The following NDST4 variants were observed in gnomAD, a reference collection of about 807,000 sequenced individuals.
NDST4 encodes the protein N-deacetylase and N-sulfotransferase 4, also known as N-heparan sulfate sulfotransferase 4.
Under a neutral mutation model 100.8 loss-of-function variants are expected in NDST4, and 63 were observed. The ratio of observed to expected loss-of-function variants is 0.62; its 90% CI spans 0.51 to 0.77. The LOEUF (loss-of-function observed/expected upper bound fraction) is 0.77, where lower values mean the gene tolerates loss of function less well. Among genes scored for constraint, NDST4 ranks in the 30% least tolerant of loss-of-function variants. The pLI, the probability that NDST4 is intolerant of heterozygous loss-of-function variation, is 0.00. For missense variants in NDST4, 943 were observed against 1,018.4 expected (o/e 0.93, Z 1.01); for synonymous variants, 377 against 361.8 (o/e 1.04, Z -0.48).
At chr4:114,992,165 T>C (rs2126252211) in intron 2 of NDST4, among the ~76,000 whole-genome samples, 1 of 152,026 alleles carries the variant, frequency 6.6e-6, no homozygotes, top group East Asian at 1.9e-4. Context: ...TTTTCAGTTT[T>C]TCCCTAATTT....
chr4:115,023,432 C>G (rs1358879998), intron 2 of NDST4, among the ~76,000 whole-genome samples: 1 of 149,828 alleles, frequency 6.7e-6, no homozygotes. Context: ...TTGCAGTGAG[C>G]CGAGATCGTG....
At chr4:115,006,583 G>C (rs149170931) in intron 2 of NDST4, among the ~76,000 whole-genome samples, 3 of 152,216 alleles carry the variant, frequency 2.0e-5, no homozygotes, top group Non-Finnish European at 4.4e-5. Flanking sequence ...AGAGGCATAG[G>C]AATGAGATTC....
chr4:114,933,432 C>CTTTTTTTT (rs367931653), intron 6 of NDST4, among the ~76,000 whole-genome samples: 39 of 89,240 alleles, frequency 4.4e-4, no homozygotes, highest in African/African-American at 9.9e-4. Context: ...TTTTCTTTTC[C>CTTTTTTTT]TTTTTTTTTT....
intron 2 of NDST4, among the ~76,000 whole-genome samples, chr4:115,040,807 T>C (rs1277532849): frequency 6.6e-6 from 1 of 151,962 alleles, no homozygotes; most frequent in Non-Finnish European, 1.5e-5. Flanking sequence ...AATTTGAGCA[T>C]CAATAATAGA....
At chr4:114,984,141 ACTATTTAT>A (rs1268827578) in intron 2 of NDST4, among the ~76,000 whole-genome samples, 89 of 138,676 alleles carry the variant, frequency 6.4e-4, no homozygotes, top group African/African-American at 2.3e-3. Flanking sequence ...ACAAACTAAT[ACTATTTAT>A]TTATTTATTT....
chr4:114,926,851 A>G (rs529010558), intron 6 of NDST4, among the ~76,000 whole-genome samples: 5 of 152,226 alleles, frequency 3.3e-5, no homozygotes, highest in African/African-American at 1.2e-4. Flanking sequence ...AAAGAACTAT[A>G]GAGTTGTTGA....
chr4:114,833,705 A>G lies in NDST4; in HGVS notation c.2297T>C (p.Ile766Thr), dbSNP rs1304058301. ...GTCAGATCTCAGCTGCTGTCCATCA[A>G]TAATTAGCAACTGTAAAGTCAGAAA... ...TYFATSQLLI[I>T]DGQQLRSDPA... is the part of the protein sequence containing the mutation. Residue 766 changes from isoleucine to threonine, a missense_variant, in exon 12 of 14, where the codon ATT becomes ACT. Around this residue, in one of 2 missense-constraint regions of NDST4, gnomAD observed 526 missense variants for 634.1 expected, o/e 0.83. Transcript: ENST00000264363. 6.2e-7 allele frequency: 1 copy of G among 1,608,150 alleles called. No homozygotes were observed. Among genetic ancestry groups the G allele is most frequent in the Non-Finnish European group, 8.5e-7 (1 of 1,177,240 alleles).
chr4:114,949,464 G>A (rs751389163), intron 4 of NDST4, among the ~76,000 whole-genome samples: 10 of 151,856 alleles, frequency 6.6e-5, no homozygotes, highest in East Asian at 3.8e-4. Flanking sequence ...TTTTTCTCTC[G>A]TGTAATGGGG....
chr4:115,042,903 T>C (rs1560577857), intron 2 of NDST4, among the ~76,000 whole-genome samples: 1 of 152,068 alleles, frequency 6.6e-6, no homozygotes, highest in African/African-American at 2.4e-5. Flanking sequence ...AGTGTTTCAT[T>C]ATTATGTATT....
chr4:115,050,176 T>G (rs191321864), intron 2 of NDST4, among the ~76,000 whole-genome samples: 1 of 152,164 alleles, frequency 6.6e-6, no homozygotes, highest in African/African-American at 2.4e-5. Flanking sequence ...GTTTTATTCT[T>G]GTGTAGGCAG....
At chr4:115,079,629 A>T (rs1462621973) in intron 1 of NDST4, among the ~76,000 whole-genome samples, 1 of 152,212 alleles carries the variant, frequency 6.6e-6, no homozygotes, top group Admixed American at 6.5e-5. Context: ...TATGCATTAC[A>T]TCAGACATAT....
At chr4:114,828,021 C>A in intron 13 of NDST4, 86 bp from the exon 14 acceptor site, 1 of 1,181,424 alleles carries the variant, frequency 8.5e-7, no homozygotes, top group Non-Finnish European at 1.2e-6. Flanking sequence ...AGGAATATAT[C>A]TACTACAGTA....
At chr4:115,053,748 C>T (rs1040796080) in intron 2 of NDST4, among the ~76,000 whole-genome samples, 2 of 152,080 alleles carry the variant, frequency 1.3e-5, no homozygotes, top group African/African-American at 4.8e-5. Flanking sequence ...GAGAGAAGGA[C>T]CATGACTTGG....
At chr4:115,033,157 A>ATATATATATATTTTT (rs1491126767) in intron 2 of NDST4, among the ~76,000 whole-genome samples, 10 of 59,920 alleles carry the variant, frequency 1.7e-4, no homozygotes, top group African/African-American at 5.8e-4. Flanking sequence ...ATATATATAT[A>ATATATATATATTTTT]TTTTTTTTTT....
intron 11 of NDST4, among the ~76,000 whole-genome samples, chr4:114,839,144 T>C (rs1723371559): frequency 6.6e-6 from 1 of 152,184 alleles, no homozygotes; most frequent in Admixed American, 6.5e-5. Flanking sequence ...GAGATATTTA[T>C]AATGTTAATA....
At chr4:114,993,603 A>G (rs1000496749) in intron 2 of NDST4, among the ~76,000 whole-genome samples, 1 of 151,944 alleles carries the variant, frequency 6.6e-6, no homozygotes, top group African/African-American at 2.4e-5. Flanking sequence ...AAATACATGT[A>G]AAATACTTAA....
intron 2 of NDST4, among the ~76,000 whole-genome samples, chr4:114,986,791 TAC>T (rs1394596228): frequency 0.012 from 978 of 83,526 alleles, 49 homozygotes; most frequent in African/African-American, 0.05. Context: ...TATCCAATTA[TAC>T]ATATATATAT....
chr4:115,100,271 A>T (rs1433584881), intron 1 of NDST4, among the ~76,000 whole-genome samples: 2 of 152,102 alleles, frequency 1.3e-5, no homozygotes, highest in Non-Finnish European at 2.9e-5. Flanking sequence ...ACAATACAAC[A>T]TTTGTTGAAA....
chr4:115,001,722 G>A (rs1461167115), intron 2 of NDST4, among the ~76,000 whole-genome samples: 1 of 151,998 alleles, frequency 6.6e-6, no homozygotes, highest in Non-Finnish European at 1.5e-5. Flanking sequence ...CCTCAACATA[G>A]CAGTCAGCTG....
Sources: gnomAD v4.1 joint callset for allele counts (sites outside exome capture counted in the v4.1 genomes callset) on GRCh38, gnomAD v4.1.1 for gene constraint, gnomAD v4.1.1 regional missense constraint, MANE v1.5 for transcripts, NCBI Gene and HGNC (gene_info 2026-07-23, HGNC 2026-07-21) for gene names.